Variants in PHETA2 observed in about 807,000 individuals in gnomAD.
PHETA2 encodes the protein PH domain containing endocytic trafficking adaptor 2.
For synonymous variants in PHETA2, 133 were observed against 142.9 expected, an observed-to-expected ratio of 0.93 and a Z score of 0.50; for missense variants, 321 against 341.3, an observed-to-expected ratio of 0.94 and a Z score of 0.47.
chr22:42,078,070 C>T lies in PHETA2; in HGVS notation c.777C>T (p.Pro259=). 6.4e-7 allele frequency: 1 copy of T among 1,569,076 alleles called. No homozygotes were observed. The highest frequency in any genetic ancestry group is 1.2e-5 in the South Asian group (1 of 84,630). The part of the protein sequence containing the change: ...SHSKCEEQDR[P] ...CAAAATGTGAGGAACAGGATAGGCC[C>T]TAAGTCTGGGCCCTTTGAGTCAGGA... is the stretch of plus-strand genomic sequence containing the variant. The change falls in exon 3 of 3, where the codon CCC becomes CCT. Residue 259 remains proline, a synonymous_variant. Coordinates refer to ENST00000321753, the MANE Select transcript of PHETA2 (RefSeq NM_001002034.3).
chr22:42,077,681 G>A lies in PHETA2; in HGVS notation c.388G>A (p.Glu130Lys), dbSNP rs1371809482. 8 of 1,614,052 alleles carry A rather than the reference G, an allele frequency of 5.0e-6. No individual in the cohort carries two copies. The highest frequency in any genetic ancestry group is 2.2e-5 in the East Asian group (1 of 44,886). ...TGGCTACATGCGCCTGGTGGTACGC[G>A]AGTTGGAGAGCCAGTTGCAGGACGC... ...SFGYMRLVVR[E>K]LESQLQDARQ... The change falls in exon 3 of 3, where the codon GAG (glutamate) becomes AAG (lysine). Residue 130 changes from glutamate (E) to lysine (K), a missense_variant. Glu to Lys is a moderately conservative substitution (Grantham distance 56). Transcript: ENST00000321753.
Position 42,079,385 on chromosome 22 carries a change from T to C in PHETA2, c.*1312T>C, listed in dbSNP as rs544474048. On this transcript the variant is annotated 3_prime_UTR_variant, in exon 3 of 3. Coordinates refer to ENST00000321753, the MANE Select transcript of PHETA2 (RefSeq NM_001002034.3). ...ACAGATAGCACGGGCCTTTCTCTTA[T>C]TGCTACAGTGTTTTGTACACGGTTA... 2.0e-4 allele frequency: 44 copies of C among 224,746 alleles called. No homozygotes were observed. The South Asian group carries it at 5.8e-3, about 29-fold the overall frequency. 13.9% of individuals were successfully genotyped at this position (224,746 alleles called of 1,614,324 possible). A position where few individuals can be genotyped will look rare whatever the true frequency, so the allele number is the denominator to read the frequency against.
chr22:42,079,425 CT>C lies in PHETA2; in HGVS notation c.*1357del, dbSNP rs142757792. The C allele has an allele frequency of 0.014, 4,724 of 330,680 alleles. 211 individuals carry two copies. Among genetic ancestry groups the C allele is most frequent in the African/African-American group, 0.092 (4,305 of 46,726 alleles). 20.5% of individuals were successfully genotyped at this position (330,680 alleles called of 1,614,324 possible). ...GTACACGGTTAAAACACTAGTAAAG[CT>C]TTTTCGTTATTACTCCTTCCGCTCC... On this transcript the variant is annotated 3_prime_UTR_variant, in exon 3 of 3. Transcript: ENST00000321753.
At position 42,078,027 on chromosome 22, in the gene PHETA2, G is replaced by A; in HGVS notation, c.734G>A (p.Arg245Lys). 1 of 1,608,794 alleles carries A rather than the reference G, an allele frequency of 6.2e-7. No homozygotes were observed. Among genetic ancestry groups the A allele is most frequent in the African/African-American group, 1.3e-5 (1 of 74,986 alleles). ...GAGCTGCGGCAGTGTTGGCAGAAGAGGGCCCAGGGGAGCCACTCAAAATGT... is the reference window on the plus strand; with the variant it reads ...GAGCTGCGGCAGTGTTGGCAGAAGAAGGCCCAGGGGAGCCACTCAAAATGT... ...IVELRQCWQK[R>K]AQGSHSKCEE... Residue 245 changes from arginine to lysine, a missense_variant, in exon 3 of 3, where the codon AGG becomes AAG. Physicochemically the swap from Arg to Lys is conservative, Grantham distance 26 (BLOSUM62 2). Coordinates refer to ENST00000321753, the MANE Select transcript of PHETA2 (RefSeq NM_001002034.3).
Position 42,077,456 on chromosome 22 carries a change from T to A in PHETA2, c.163T>A (p.Phe55Ile). The A allele has an allele frequency of 6.2e-7, 1 of 1,613,992 alleles. No individual in the cohort carries two copies. Among genetic ancestry groups the A allele is most frequent in the Admixed American group, 1.7e-5 (1 of 60,024 alleles). ...FVLKGNLLFS[F>I]ESREGRAPLS... ...CCTCAAGGGCAACCTGCTATTCTCC[T>A]TTGAGAGTCGCGAGGGCCGGGCCCC... The change falls in exon 3 of 3, where the codon TTT becomes ATT. Residue 55 changes from phenylalanine to isoleucine, a missense_variant. Coordinates refer to ENST00000321753, the MANE Select transcript of PHETA2 (RefSeq NM_001002034.3).
chr22:42,078,356 G>A lies in PHETA2; in HGVS notation c.*283G>A. The stretch of plus-strand genomic sequence containing the variant: ...CTGGCCTGACTGCCCCCTCCCAGGG[G>A]ATGTTAATGAAATGAAGGAAGTGGG... On this transcript the variant is annotated 3_prime_UTR_variant, in exon 3 of 3. Coordinates refer to ENST00000321753, the MANE Select transcript of PHETA2 (RefSeq NM_001002034.3). 1 of 413,816 alleles carries A rather than the reference G, an allele frequency of 2.4e-6. No individual in the cohort carries two copies. 25.6% of individuals were successfully genotyped at this position (413,816 alleles called of 1,614,324 possible). A position where few individuals can be genotyped will look rare whatever the true frequency, so the allele number is the denominator to read the frequency against.
chr22:42,077,557 C>A lies in PHETA2; in HGVS notation c.264C>A (p.Ala88=), dbSNP rs1470046028. The stretch of plus-strand genomic sequence containing the variant: ...CCGTGCCCGAGGAGTTTGCCTTTGC[C>A]ATCTGCTTTGATGCCCCTGGAGTGC... ...EAPVPEEFAF[A]ICFDAPGVRP... The change falls in exon 3 of 3, where the codon GCC becomes GCA. Residue 88 remains alanine, a synonymous_variant. Coordinates refer to ENST00000321753, the MANE Select transcript of PHETA2 (RefSeq NM_001002034.3). The A allele has an allele frequency of 6.2e-7, 1 of 1,614,046 alleles. No individual in the cohort carries two copies. The highest frequency in any genetic ancestry group is 8.5e-7 in the Non-Finnish European group (1 of 1,180,038).
chr22:42,077,483 C>T lies in PHETA2; in HGVS notation c.190C>T (p.Leu64=). The change falls in exon 3 of 3, where the codon CTG becomes TTG. Residue 64 remains leucine (L), a synonymous_variant. Transcript: ENST00000321753. ...TGAGAGTCGCGAGGGCCGGGCCCCA[C>T]TGAGCCTGGTGGTGCTGGAAGGCTG... The part of the protein sequence containing the change: ...SFESREGRAP[L]SLVVLEGCTV... 1 of 1,614,140 alleles carries T rather than the reference C, an allele frequency of 6.2e-7. No homozygotes were observed. The highest frequency in any genetic ancestry group is 8.5e-7 in the Non-Finnish European group (1 of 1,180,030).
Position 42,076,140 on chromosome 22 carries a change from C to T in PHETA2, c.-15+488C>T, listed in dbSNP as rs369232023. ...CATGCATGTGAACACCCAATCATCA[C>T]GCTCATGAACTACAAAAGGATCAAG... On this transcript the variant is annotated intron_variant, in intron 2 of 2. Transcript: ENST00000321753. The T allele has an allele frequency of 1.8e-3, 389 of 220,470 alleles. 1 individual carries two copies. The highest frequency in any genetic ancestry group is 8.5e-3 in the African/African-American group (370 of 43,464). 13.7% of individuals were successfully genotyped at this position (220,470 alleles called of 1,614,324 possible).
rs115974188 is a variant in PHETA2 at position 42,076,774 on chromosome 22, G to A, written c.-14-506G>A. Among the ~76,000 whole-genome samples, 430 of 152,236 alleles carry A rather than the reference G, an allele frequency of 2.8e-3. 1 individual carries two copies. Among genetic ancestry groups the A allele is most frequent in the African/African-American group, 9.8e-3 (405 of 41,532 alleles). ...AAGTAAACTCTTTAAAGTTATATTTGTGCCTCAGCTTCTGCCTGTAGGTCA... is the reference window on the plus strand; with the variant it reads ...AAGTAAACTCTTTAAAGTTATATTTATGCCTCAGCTTCTGCCTGTAGGTCA... On this transcript the variant is annotated intron_variant, in intron 2 of 2. Transcript: ENST00000321753.
rs143331054 is a variant in PHETA2, at chr22:42,077,395, G to A, written c.102G>A (p.Pro34=). Residue 34 remains proline, a synonymous_variant, in exon 3 of 3, where the codon CCG becomes CCA. Coordinates refer to ENST00000321753, the MANE Select transcript of PHETA2 (RefSeq NM_001002034.3). ...CCTGGGGGGGCCCAGGGACCCCACC[G>A]ACCCCCAGTGGCACTGGCCGAAGAT... The part of the protein sequence containing the change: ...LRTWGGPGTP[P]TPSGTGRRCW... 3.1e-5 allele frequency: 50 copies of A among 1,609,080 alleles called. No homozygotes were observed. The highest frequency in any genetic ancestry group is 2.9e-4 in the South Asian group (26 of 90,404).
Position 42,078,522 on chromosome 22 carries a change from T to C in PHETA2, c.*449T>C, listed in dbSNP as rs1927446787. On this transcript the variant is annotated 3_prime_UTR_variant, in exon 3 of 3. Transcript: ENST00000321753. Reference sequence around the variant, plus strand: ...CAGTATCGGCTTGAAGCTCTGACACTGTCAGAGAAAGTGGATTTATTGTGT... The same window carrying C: ...CAGTATCGGCTTGAAGCTCTGACACCGTCAGAGAAAGTGGATTTATTGTGT... 1 of 173,382 alleles carries C rather than the reference T, an allele frequency of 5.8e-6. No individual in the cohort carries two copies. The allele number at this position is 173,382 out of a possible 1,614,324, so 10.7% of individuals were successfully genotyped here. A position where few individuals can be genotyped will look rare whatever the true frequency, so the allele number is the denominator to read the frequency against.
Position 42,077,898 on chromosome 22 carries a change from T to G in PHETA2, c.605T>G (p.Leu202Arg), listed in dbSNP as rs1569460668. ...GGGTGGGGGTTGGCTGAGTGGGAGC[T>G]GCAGGGCCCTGCCAGCCTCCTCCTA... ...SAGWGLAEWE[L>R]QGPASLLLGK... Residue 202 changes from leucine to arginine, a missense_variant, in exon 3 of 3, where the codon CTG becomes CGG. By Grantham distance (102) the Leu-to-Arg change is moderately radical (BLOSUM62 -2). Transcript: ENST00000321753. 1 of 1,613,406 alleles carries G rather than the reference T, an allele frequency of 6.2e-7. No homozygotes were observed. Among genetic ancestry groups the G allele is most frequent in the Non-Finnish European group, 8.5e-7 (1 of 1,179,768 alleles).
At chr22:42,076,069 T>G (rs1327386137) in intron 2 of PHETA2, 1 of 215,268 alleles carries the variant, frequency 4.6e-6, no homozygotes, top group Non-Finnish European at 9.9e-6. Context: ...GTCAGATCGG[T>G]AATGTGCCTA....
In PHETA2 at chr22:42,078,001, G is replaced by A; in HGVS notation, c.708G>A (p.Val236=). The A allele has an allele frequency of 6.2e-7, 1 of 1,611,624 alleles. No homozygotes were observed. Among genetic ancestry groups the A allele is most frequent in the Non-Finnish European group, 8.5e-7 (1 of 1,179,104 alleles). Residue 236 remains valine, a synonymous_variant, in exon 3 of 3, where the codon GTG becomes GTA. Coordinates refer to ENST00000321753, the MANE Select transcript of PHETA2 (RefSeq NM_001002034.3). The part of the protein sequence containing the change: ...TLHDWYGQEI[V]ELRQCWQKRA... ...ATGACTGGTATGGCCAGGAGATCGT[G>A]GAGCTGCGGCAGTGTTGGCAGAAGA...
intron 2 of PHETA2, 87 bp from the exon 3 acceptor site, chr22:42,077,193 A>T (rs1426714742): frequency 7.7e-7 from 1 of 1,294,712 alleles, no homozygotes; most frequent in East Asian, 2.4e-5. Context: ...GCTGGGGTCC[A>T]GGTTGCCTCT....
chr22:42,075,326 G>C lies in PHETA2; in HGVS notation c.-96-245G>C, dbSNP rs1373276584. ...CTAGAAGGGAAAAGCTAGGAACCATGAGGGCATGTGTAGCTCTGACCTGGA... is the reference window on the plus strand; with the variant it reads ...CTAGAAGGGAAAAGCTAGGAACCATCAGGGCATGTGTAGCTCTGACCTGGA... On this transcript the variant is annotated intron_variant, in intron 1 of 2. Coordinates refer to ENST00000321753, the MANE Select transcript of PHETA2 (RefSeq NM_001002034.3). The surrounding 1 kb of genome is among the most constrained non-coding windows in gnomAD (Gnocchi z 4.8). Among the ~76,000 whole-genome samples, 1 of 152,170 alleles carries C rather than the reference G, an allele frequency of 6.6e-6. No homozygotes were observed. Among genetic ancestry groups the C allele is most frequent in the Non-Finnish European group, 1.5e-5 (1 of 68,036 alleles).
chr22:42,076,520 G>A (rs1927287997), intron 2 of PHETA2, among the ~76,000 whole-genome samples: 1 of 152,086 alleles, frequency 6.6e-6, no homozygotes. Context: ...TCCAACTCCT[G>A]AGCTCAGGTG....
At position 42,078,197 on chromosome 22, in the gene PHETA2, C is replaced by T; in HGVS notation, c.*124C>T. The T allele has an allele frequency of 8.5e-7, 1 of 1,175,594 alleles. No homozygotes were observed. Among genetic ancestry groups the T allele is most frequent in the South Asian group, 1.7e-5 (1 of 58,608 alleles). The allele number at this position is 1,175,594 out of a possible 1,614,324, so 72.8% of individuals were successfully genotyped here. On this transcript the variant is annotated 3_prime_UTR_variant, in exon 3 of 3. Coordinates refer to ENST00000321753, the MANE Select transcript of PHETA2 (RefSeq NM_001002034.3). ...CTCTCCTTCCTGCTATTTAGGCATTCTCCAGGTTCGAGATCCACCCGTGTG... is the reference window on the plus strand; with the variant it reads ...CTCTCCTTCCTGCTATTTAGGCATTTTCCAGGTTCGAGATCCACCCGTGTG...
Sources: allele counts gnomAD v4.1 joint callset (sites outside exome capture counted in the v4.1 genomes callset), GRCh38; gene constraint gnomAD v4.1.1; non-coding constraint Gnocchi (gnomAD v3.1); transcripts MANE v1.5; gene names NCBI Gene and HGNC (gene_info 2026-07-23, HGNC 2026-07-21).